Variants in SORCS2 observed in about 807,000 individuals in gnomAD.
SORCS2 encodes the protein VPS10 domain-containing receptor SorCS2.
Under a neutral mutation model 141.6 loss-of-function variants are expected in SORCS2, and 100 were observed. The ratio of observed to expected loss-of-function variants is 0.71; its 90% CI spans 0.60 to 0.83. SORCS2 has a LOEUF of 0.83. Among genes scored for constraint, SORCS2 ranks in the 40% least tolerant of loss-of-function variants. The pLI is 0.00. For synonymous variants in SORCS2, 789 were observed against 676.9 expected (o/e 1.17, Z -2.57); for missense variants, 1,646 against 1,560.2 (o/e 1.05, Z -0.93).
chr4:7,739,685 C>T (rs1449713997), intron 26 of SORCS2, among the ~76,000 whole-genome samples: 2 of 152,150 alleles, frequency 1.3e-5, no homozygotes, highest in Non-Finnish European at 2.9e-5. Context: ...CTCCCGGTGC[C>T]CTTGAGGCGG....
intron 4 of SORCS2, among the ~76,000 whole-genome samples, chr4:7,641,197 T>G (rs1720706355): frequency 6.6e-6 from 1 of 152,122 alleles, no homozygotes; most frequent in Non-Finnish European, 1.5e-5. Context: ...ACACTGCTAT[T>G]AAGAACTACC....
chr4:7,701,272 G>C (rs948726027), intron 12 of SORCS2, among the ~76,000 whole-genome samples: 2 of 151,928 alleles, frequency 1.3e-5, no homozygotes, highest in African/African-American at 4.8e-5. Flanking sequence ...AGAAGAGGGA[G>C]GGAGGGAGAC....
At chr4:7,666,550 G>A (rs1447732947) in intron 7 of SORCS2, among the ~76,000 whole-genome samples, 1 of 152,118 alleles carries the variant, frequency 6.6e-6, no homozygotes, top group Non-Finnish European at 1.5e-5. Context: ...CACCAACAAG[G>A]TGGCGGTGCT....
intron 10 of SORCS2, among the ~76,000 whole-genome samples, chr4:7,685,324 G>A (rs575495082): frequency 1.5e-4 from 23 of 152,252 alleles, no homozygotes; most frequent in East Asian, 1.2e-3. Context: ...GACTGGGCAC[G>A]GGGAAATGCA....
chr4:7,413,861 T>C (rs1725490449), intron 2 of SORCS2, among the ~76,000 whole-genome samples: 1 of 152,176 alleles, frequency 6.6e-6, no homozygotes, highest in Admixed American at 6.5e-5. Flanking sequence ...CACGTCTCTA[T>C]GTTCTTAGGG....
chr4:7,429,080 G>C (rs1726648853), intron 2 of SORCS2, among the ~76,000 whole-genome samples: 1 of 152,176 alleles, frequency 6.6e-6, no homozygotes, highest in South Asian at 2.1e-4. Context: ...GTAAGGGTTT[G>C]TCCAGGGGTG....
At chr4:7,442,707 A>G (rs370041699) in intron 2 of SORCS2, among the ~76,000 whole-genome samples, 34 of 146,732 alleles carry the variant, frequency 2.3e-4, no homozygotes, top group African/African-American at 7.6e-4. Flanking sequence ...CATGATATCA[A>G]CAAAGCGGAG....
intron 3 of SORCS2, among the ~76,000 whole-genome samples, chr4:7,570,324 C>G (rs978959852): frequency 6.6e-6 from 1 of 152,204 alleles, no homozygotes; most frequent in African/African-American, 2.4e-5. Flanking sequence ...TCGAGGCAAC[C>G]TCCACTCATG....
At position 7,413,933 on chromosome 4, in the gene SORCS2, C is replaced by T. The variant is rs968214560; in HGVS notation, c.548+17578C>T. ...GGATTGCAGGGTGCTGGGATTCTGG[C>T]GTGGCTTTGGGTGTGTGGAGGGCCT... On this transcript the variant is annotated intron_variant, in intron 2 of 26. Transcript: ENST00000507866. Among the ~76,000 whole-genome samples, 4 of 151,976 alleles carry T rather than the reference C, an allele frequency of 2.6e-5. 1 individual carries two copies. The highest frequency in any genetic ancestry group is 9.7e-5 in the African/African-American group (4 of 41,380).
At chr4:7,278,634 G>T (rs1165749912) in intron 1 of SORCS2, among the ~76,000 whole-genome samples, 1 of 152,174 alleles carries the variant, frequency 6.6e-6, no homozygotes, top group African/African-American at 2.4e-5. Context: ...TCCTTCAGCA[G>T]GTGTCTCTGA....
At chr4:7,268,347 G>A (rs1684933935) in intron 1 of SORCS2, among the ~76,000 whole-genome samples, 3 of 152,248 alleles carry the variant, frequency 2.0e-5, no homozygotes, top group African/African-American at 4.8e-5. Context: ...GTTGTCAAAG[G>A]CCTTTTCCTG....
chr4:7,457,783 T>G (rs1343131058), intron 2 of SORCS2, among the ~76,000 whole-genome samples: 1 of 152,250 alleles, frequency 6.6e-6, no homozygotes, highest in Admixed American at 6.5e-5. Context: ...CTGCCTGAGC[T>G]GCTCTGCTTC....
At chr4:7,585,090 G>A (rs1438642733) in intron 3 of SORCS2, among the ~76,000 whole-genome samples, 1 of 152,206 alleles carries the variant, frequency 6.6e-6, no homozygotes, top group African/African-American at 2.4e-5. Context: ...TGATGGACAG[G>A]AGGAAGAGGT....
chr4:7,395,700 C>T (rs1030374731), intron 1 of SORCS2, among the ~76,000 whole-genome samples: 13 of 152,110 alleles, frequency 8.5e-5, no homozygotes, highest in African/African-American at 3.1e-4. Flanking sequence ...AATGAATGGT[C>T]TCAACAACAA....
intron 2 of SORCS2, among the ~76,000 whole-genome samples, chr4:7,408,054 G>A (rs551642623): frequency 2.0e-5 from 3 of 152,076 alleles, no homozygotes; most frequent in Non-Finnish European, 2.9e-5. Flanking sequence ...AGCTATTACT[G>A]TTTTCAATAG....
At chr4:7,561,965 A>G (rs903554223) in intron 3 of SORCS2, among the ~76,000 whole-genome samples, 4 of 152,188 alleles carry the variant, frequency 2.6e-5, no homozygotes, top group African/African-American at 9.7e-5. Context: ...CCATGTATTC[A>G]TTTATCCATC....
intron 1 of SORCS2, among the ~76,000 whole-genome samples, chr4:7,292,259 C>T (rs115124882): frequency 0.016 from 2,438 of 151,858 alleles, 32 homozygotes; most frequent in Middle Eastern, 0.065. Context: ...CCCGCATTCA[C>T]GGTCCGTTCA....
intron 3 of SORCS2, among the ~76,000 whole-genome samples, chr4:7,543,783 CTCATCCAT>C (rs1712959489): frequency 5.2e-5 from 1 of 19,302 alleles, no homozygotes; most frequent in African/African-American, 1.4e-4. Flanking sequence ...CATCCATCCA[CTCATCCAT>C]CCATCCATCC....
At chr4:7,236,612 C>T (rs1010420485) in intron 1 of SORCS2, among the ~76,000 whole-genome samples, 6 of 152,136 alleles carry the variant, frequency 3.9e-5, no homozygotes, top group South Asian at 4.2e-4. Flanking sequence ...GGTGGAGTCT[C>T]GCTCTGTCAC....
Sources: allele counts gnomAD v4.1 joint callset (sites outside exome capture counted in the v4.1 genomes callset), GRCh38; gene constraint gnomAD v4.1.1; transcripts MANE v1.5; gene names NCBI Gene and HGNC (gene_info 2026-07-23, HGNC 2026-07-21).